The following BMP2K variants were observed in gnomAD, a reference collection of about 807,000 sequenced individuals.
BMP2K encodes the protein BMP2 inducible kinase, also known as BMP-2-inducible protein kinase.
BMP2K carries 74 observed loss-of-function variants against 116.0 expected under a neutral mutation model. That is an observed-to-expected ratio of 0.64 (90% CI 0.53 to 0.77). BMP2K has a LOEUF of 0.77. BMP2K is among the 30% of genes least tolerant of loss of function. BMP2K has a pLI of 0.00. For missense variants in BMP2K, 1,365 were observed against 1,403.6 expected (o/e 0.97, Z 0.44); for synonymous variants, 486 against 502.5 (o/e 0.97, Z 0.44).
At chr4:78,908,853 C>A (rs1734419186) in intron 15 of BMP2K, among the ~76,000 whole-genome samples, 1 of 152,040 alleles carries the variant, frequency 6.6e-6, no homozygotes. Context: ...ATAATCACAT[C>A]AGGGTAAATG....
chr4:78,903,183 C>A (rs1489279885), intron 15 of BMP2K, among the ~76,000 whole-genome samples: 1 of 151,722 alleles, frequency 6.6e-6, no homozygotes, highest in Non-Finnish European at 1.5e-5. Flanking sequence ...CTAAACATAG[C>A]CTTTTATGAA....
At chr4:78,783,748 G>A in intron 1 of BMP2K, among the ~76,000 whole-genome samples, 1 of 152,154 alleles carries the variant, frequency 6.6e-6, no homozygotes, top group East Asian at 1.9e-4. Context: ...AGAGGTTGCA[G>A]TAAGGTGAGA....
intron 5 of BMP2K, among the ~76,000 whole-genome samples, chr4:78,846,948 T>C (rs991316015): frequency 6.6e-6 from 1 of 150,788 alleles, no homozygotes; most frequent in African/African-American, 2.4e-5. Context: ...TAAAGACAAT[T>C]AAGCTTTTAG....
intron 1 of BMP2K, among the ~76,000 whole-genome samples, chr4:78,808,802 T>G (rs1311556552): frequency 6.6e-6 from 1 of 152,202 alleles, no homozygotes; most frequent in Non-Finnish European, 1.5e-5. Context: ...TAATTTACTT[T>G]TATTGTGGTT....
intron 14 of BMP2K, among the ~76,000 whole-genome samples, chr4:78,881,703 TAGA>T (rs1335236551): frequency 6.6e-6 from 1 of 152,062 alleles, no homozygotes; most frequent in Non-Finnish European, 1.5e-5. Context: ...CAGAGTTTAT[TAGA>T]AGACTAATTG....
Position 78,869,112 on chromosome 4 carries a change from T to G in BMP2K, c.1232-1671T>G, listed in dbSNP as rs552849447. Reference sequence around the variant, plus strand: ...AAGGGCCCTGCCCCTGCAGCAAACTTTTGCTTGCATATCCAGGCATTTCCA... The same window carrying G: ...AAGGGCCCTGCCCCTGCAGCAAACTGTTGCTTGCATATCCAGGCATTTCCA... On this transcript the variant is annotated intron_variant, in intron 10 of 15. Transcript: ENST00000502613. 1.5e-4 allele frequency among the ~76,000 whole-genome samples: 23 copies of G among 152,206 alleles called. No homozygotes were observed. The South Asian group carries it at 4.8e-3, about 32-fold the overall frequency.
intron 13 of BMP2K, among the ~76,000 whole-genome samples, chr4:78,876,930 G>A (rs888008909): frequency 5.3e-5 from 8 of 152,046 alleles, no homozygotes; most frequent in Non-Finnish European, 1.2e-4. Context: ...TTGCTCTTAC[G>A]CTACAAACCT....
chr4:78,812,228 C>T (rs1180723452), intron 1 of BMP2K, among the ~76,000 whole-genome samples: 2 of 152,164 alleles, frequency 1.3e-5, no homozygotes, highest in Non-Finnish European at 2.9e-5. Context: ...CTCGGCCTCC[C>T]AAAGTATTAG....
At chr4:78,876,774 C>CTAT (rs1161131721) in intron 13 of BMP2K, among the ~76,000 whole-genome samples, 1 of 152,190 alleles carries the variant, frequency 6.6e-6, no homozygotes, top group African/African-American at 2.4e-5. Context: ...TTATGCTATA[C>CTAT]AGTCATGCAT....
chr4:78,826,208 T>G, intron 2 of BMP2K, 53 bp downstream of exon 2: 1 of 1,457,932 alleles, frequency 6.9e-7, no homozygotes, highest in Non-Finnish European at 9.6e-7. Flanking sequence ...TTATTTTTTA[T>G]TTTTCTTGGG....
At chr4:78,842,078 T>C (rs1023617650) in intron 3 of BMP2K, among the ~76,000 whole-genome samples, 1 of 152,098 alleles carries the variant, frequency 6.6e-6, no homozygotes, top group Non-Finnish European at 1.5e-5. Flanking sequence ...ATAAATAGTA[T>C]GGTGTTAAAT....
chr4:78,911,689 G>T lies in BMP2K; in HGVS notation c.3142G>T (p.Ala1048Ser). The T allele has an allele frequency of 6.2e-7, 1 of 1,613,928 alleles. No individual in the cohort carries two copies. Among genetic ancestry groups the T allele is most frequent in the Non-Finnish European group, 8.5e-7 (1 of 1,179,880 alleles). Residue 1048 changes from alanine to serine, a missense_variant, in exon 16 of 16, where the codon GCA (alanine) becomes TCA (serine). Coordinates refer to ENST00000502613, the MANE Select transcript of BMP2K (RefSeq NM_198892.2). ...AGACTCCAAGGAGAACATTAGTGTT[G>T]CACTGACTGATGGGAAAGATAGGGG... ...ISDSKENISV[A>S]LTDGKDRGNV...
chr4:78,791,961 G>A (rs933480274), intron 1 of BMP2K, among the ~76,000 whole-genome samples: 7 of 152,172 alleles, frequency 4.6e-5, no homozygotes, highest in South Asian at 2.1e-4. Context: ...GTATATATCC[G>A]GAAGGGAATT....
At chr4:78,822,023 A>G (rs1348233480) in intron 1 of BMP2K, among the ~76,000 whole-genome samples, 6 of 152,220 alleles carry the variant, frequency 3.9e-5, no homozygotes, top group Non-Finnish European at 8.8e-5. Context: ...CCATATGTTC[A>G]TATATAGTTA....
intron 1 of BMP2K, among the ~76,000 whole-genome samples, chr4:78,784,105 G>A (rs1338862435): frequency 6.6e-6 from 1 of 152,144 alleles, no homozygotes; most frequent in Non-Finnish European, 1.5e-5. Flanking sequence ...TGTTGATCCT[G>A]GGTCTTATAT....
chr4:78,862,338 G>A (rs1404893647), intron 9 of BMP2K, among the ~76,000 whole-genome samples: 1 of 152,028 alleles, frequency 6.6e-6, no homozygotes, highest in East Asian at 1.9e-4. Context: ...GTGGAGGAGG[G>A]GAAAGACTGG....
In BMP2K at chr4:78,842,456, T is replaced by C. The variant is rs1417727518; in HGVS notation, c.475T>C (p.Phe159Leu). 11 of 1,609,198 alleles carry C rather than the reference T, an allele frequency of 6.8e-6. No individual in the cohort carries two copies. Among genetic ancestry groups the C allele is most frequent in the Non-Finnish European group, 8.5e-6 (10 of 1,176,506 alleles). Residue 159 changes from phenylalanine to leucine, a missense_variant, in exon 4 of 16, where the codon TTC becomes CTC. Transcript: ENST00000502613. ...TACAGAACCAGAAGTGTTACAGATA[T>C]TCTGTGATACCTGTGAAGCTGTTGC... is the stretch of plus-strand genomic sequence containing the variant. ...GFTEPEVLQI[F>L]CDTCEAVARL... is the part of the protein sequence containing the mutation.
rs547963359 is a variant in BMP2K, at chr4:78,911,682, T to C, written c.3135T>C (p.Ile1045=). Residue 1045 remains isoleucine, a synonymous_variant, in exon 16 of 16, where the codon ATT becomes ATC. Transcript: ENST00000502613. ...FLTISDSKEN[I]SVALTDGKDR... ...CCATCTCAGACTCCAAGGAGAACAT[T>C]AGTGTTGCACTGACTGATGGGAAAG... The C allele has an allele frequency of 6.2e-7, 1 of 1,613,810 alleles. No individual in the cohort carries two copies. Among genetic ancestry groups the C allele is most frequent in the African/African-American group, 1.3e-5 (1 of 74,988 alleles).
At chr4:78,849,465 C>G (rs924660926) in intron 6 of BMP2K, among the ~76,000 whole-genome samples, 1 of 151,604 alleles carries the variant, frequency 6.6e-6, no homozygotes, top group African/African-American at 2.4e-5. Flanking sequence ...ACAACATTTA[C>G]TCTAACACAA....
Sources: allele counts gnomAD v4.1 joint callset (sites outside exome capture counted in the v4.1 genomes callset), GRCh38; gene constraint gnomAD v4.1.1; transcripts MANE v1.5; gene names NCBI Gene and HGNC (gene_info 2026-07-23, HGNC 2026-07-21).